SAMSN1: variants seen among roughly 807,000 people sequenced by gnomAD.
SAMSN1 encodes the protein SAM domain-containing protein SAMSN-1.
Under a neutral mutation model 42.0 loss-of-function variants are expected in SAMSN1, and 31 were observed. That is an observed-to-expected ratio of 0.74 (90% CI 0.55 to 1.00). The LOEUF (loss-of-function observed/expected upper bound fraction) is 1.00, where lower values mean the gene tolerates loss of function less well. SAMSN1 is among the 50% of genes least tolerant of loss of function. The pLI is 0.00. For missense variants in SAMSN1, 464 were observed against 439.4 expected, an observed-to-expected ratio of 1.06 and a Z score of -0.50; for synonymous variants, 178 against 151.9, an observed-to-expected ratio of 1.17 and a Z score of -1.26.
At position 14,512,439 on chromosome 21, in the gene SAMSN1, CT is replaced by C; in HGVS notation, c.409+4del. 1 of 1,613,350 alleles carries C rather than the reference CT, an allele frequency of 6.2e-7. No homozygotes were observed. The highest frequency in any genetic ancestry group is 8.5e-7 in the Non-Finnish European group (1 of 1,179,414). On this transcript the variant is annotated splice_donor_region_variant and intron_variant, in intron 4 of 7. Transcript: ENST00000400566. ...AGGATCTTGTCCCTGATTCATTAGC[CT>C]TACTTGATGAGCTCTGTCCACTGTA...
intron 2 of SAMSN1, chr21:14,619,642 C>G: frequency 3.2e-6 from 1 of 315,578 alleles, no homozygotes; most frequent in Non-Finnish European, 6.8e-6. Flanking sequence ...AGATTTATTT[C>G]CTCACCTATC....
At chr21:14,527,122 C>T (rs1396760293) in intron 1 of SAMSN1, among the ~76,000 whole-genome samples, 1 of 152,284 alleles carries the variant, frequency 6.6e-6, no homozygotes, top group East Asian at 1.9e-4. Context: ...AAGTTCTCAG[C>T]TCTTTTAAAT....
At chr21:14,629,107 AG>A (rs928263706) in intron 2 of SAMSN1, among the ~76,000 whole-genome samples, 2 of 152,198 alleles carry the variant, frequency 1.3e-5, no homozygotes, top group Admixed American at 6.5e-5. Flanking sequence ...AATTTCACAA[AG>A]AAGCACTATT....
chr21:14,534,481 G>C (rs1301392003), intron 1 of SAMSN1, among the ~76,000 whole-genome samples: 2 of 151,176 alleles, frequency 1.3e-5, no homozygotes, highest in Non-Finnish European at 2.9e-5. Flanking sequence ...GAGAAATGTG[G>C]AACAAGCACA....
chr21:14,503,289 C>T (rs1987254952), intron 5 of SAMSN1, among the ~76,000 whole-genome samples: 1 of 152,058 alleles, frequency 6.6e-6, no homozygotes. Flanking sequence ...CTGAAAGAGC[C>T]AACTGCCGTA....
chr21:14,582,952 A>G (rs1025506945), intron 1 of SAMSN1, among the ~76,000 whole-genome samples: 1 of 152,204 alleles, frequency 6.6e-6, no homozygotes, highest in African/African-American at 2.4e-5. Context: ...AATCCTACTG[A>G]CATTCTGAAA....
At chr21:14,656,060 T>A (rs967605322) in intron 1 of SAMSN1, among the ~76,000 whole-genome samples, 1 of 151,786 alleles carries the variant, frequency 6.6e-6, no homozygotes, top group Non-Finnish European at 1.5e-5. Flanking sequence ...TATTGAAGGC[T>A]ATGAAAGAAT....
upstream of SAMSN1, among the ~76,000 whole-genome samples, chr21:14,549,676 T>C (rs1980536341): frequency 2.0e-5 from 3 of 152,290 alleles, no homozygotes; most frequent in Admixed American, 2.0e-4. Flanking sequence ...TAAGATTTAA[T>C]GTAAGAATAA....
Position 14,533,068 on chromosome 21 carries a change from A to T in SAMSN1, c.58-11847T>A, listed in dbSNP as rs1008732223. On this transcript the variant is annotated intron_variant, in intron 1 of 7. Coordinates refer to ENST00000400566, the MANE Select transcript of SAMSN1 (RefSeq NM_022136.5). ...GCTGGGACTACACATGTGCACCACC[A>T]TGCTCAGCTAACTTTTATTTTTTTT... is the stretch of plus-strand genomic sequence containing the variant. Among the ~76,000 whole-genome samples, 6 of 152,114 alleles carry T rather than the reference A, an allele frequency of 3.9e-5. No homozygotes were observed. The East Asian group carries it at 1.2e-3, about 29-fold the overall frequency.
chr21:14,639,305 A>G (rs1009074048), intron 2 of SAMSN1, among the ~76,000 whole-genome samples: 1 of 152,186 alleles, frequency 6.6e-6, no homozygotes, highest in African/African-American at 2.4e-5. Flanking sequence ...ACAGTTCTGG[A>G]AGCTGAGAAG....
chr21:14,549,516 C>T (rs1205052217), upstream of SAMSN1, among the ~76,000 whole-genome samples: 1 of 152,046 alleles, frequency 6.6e-6, no homozygotes, highest in African/African-American at 2.4e-5. Context: ...CTGGGTCAAC[C>T]ATGACCAAGG....
intron 2 of SAMSN1, among the ~76,000 whole-genome samples, chr21:14,621,825 C>A (rs1983016482): frequency 6.6e-6 from 1 of 152,206 alleles, no homozygotes; most frequent in Non-Finnish European, 1.5e-5. Context: ...CAGACTGCCC[C>A]CTCAAGGGGG....
intron 1 of SAMSN1, among the ~76,000 whole-genome samples, chr21:14,533,944 T>C (rs1353258207): frequency 1.1e-4 from 17 of 152,244 alleles, no homozygotes; most frequent in Admixed American, 1.1e-3. Flanking sequence ...TTGCTTCAGC[T>C]GTTTTGCATG....
At chr21:14,569,906 CT>C (rs939782121) in intron 2 of SAMSN1, among the ~76,000 whole-genome samples, 1 of 150,238 alleles carries the variant, frequency 6.7e-6, no homozygotes, top group Non-Finnish European at 1.5e-5. Flanking sequence ...GTAGGCCTAA[CT>C]TTTTTTTTTC....
chr21:14,610,541 C>G (rs942839394), intron 4 of SAMSN1, among the ~76,000 whole-genome samples: 5 of 152,174 alleles, frequency 3.3e-5, no homozygotes, highest in African/African-American at 1.2e-4. Context: ...ACACCCTATT[C>G]GTGCACTCCC....
intron 6 of SAMSN1, among the ~76,000 whole-genome samples, chr21:14,595,124 T>C (rs1568824380): frequency 6.6e-6 from 1 of 152,138 alleles, no homozygotes; most frequent in Non-Finnish European, 1.5e-5. Flanking sequence ...TGCTAAACCA[T>C]TCATGAGAAA....
At chr21:14,487,554 T>C (rs1262862124) in intron 7 of SAMSN1, among the ~76,000 whole-genome samples, 1 of 152,106 alleles carries the variant, frequency 6.6e-6, no homozygotes, top group Non-Finnish European at 1.5e-5. Context: ...ATGGGAGAAA[T>C]TGAAAAGTGT....
chr21:14,582,143 T>G (rs1981752641), exon 2 of SAMSN1: 2 of 1,544,598 alleles, frequency 1.3e-6, no homozygotes, highest in Non-Finnish European at 1.7e-6. Flanking sequence ...TACCCATGAA[T>G]GTAGGAGATC....
chr21:14,550,647 T>C (rs1980564599), upstream of SAMSN1, among the ~76,000 whole-genome samples: 1 of 152,104 alleles, frequency 6.6e-6, no homozygotes, highest in Non-Finnish European at 1.5e-5. Context: ...TGAGTTCCCA[T>C]ACATTCAACT....
Sources: allele counts gnomAD v4.1 joint callset (sites outside exome capture counted in the v4.1 genomes callset), GRCh38; gene constraint gnomAD v4.1.1; transcripts MANE v1.5; gene names NCBI Gene and HGNC (gene_info 2026-07-23, HGNC 2026-07-21).